The following UBAC2 variants were observed in gnomAD, a reference collection of about 807,000 sequenced individuals.
The protein encoded by UBAC2 is UBA domain containing 2, also known as ubiquitin-associated domain-containing protein 2.
Under a neutral mutation model 44.0 loss-of-function variants are expected in UBAC2, and 26 were observed. The observed-to-expected ratio is 0.59, with a 90% CI of 0.43 to 0.82. The LOEUF (loss-of-function observed/expected upper bound fraction) is 0.82, where lower values mean the gene tolerates loss of function less well. Ranked by LOEUF, UBAC2 falls within the 40% of genes least tolerant of loss-of-function variation. The pLI, the probability that UBAC2 is intolerant of heterozygous loss-of-function variation, is 0.00. For synonymous variants in UBAC2, 155 were observed against 154.3 expected, an observed-to-expected ratio of 1.00 and a Z score of -0.04; for missense variants, 329 against 419.4, an observed-to-expected ratio of 0.78 and a Z score of 1.88.
rs2044364433 is a variant in UBAC2, at chr13:99,308,201, C to G, written c.390-5896C>G. 1.3e-5 allele frequency among the ~76,000 whole-genome samples: 2 copies of G among 152,186 alleles called. 1 individual carries two copies. The highest frequency in any genetic ancestry group is 4.1e-4 in the South Asian group (2 of 4,834). ...AGGAGAGGTGATGTTTACACTTAGT[C>G]AGGACTGATCTGGCCATTCCCAGCC... On this transcript the variant is annotated intron_variant, in intron 4 of 8. Transcript: ENST00000403766.
intron 6 of UBAC2, among the ~76,000 whole-genome samples, chr13:99,333,540 T>C (rs1016184803): frequency 1.3e-5 from 2 of 152,258 alleles, no homozygotes; most frequent in Admixed American, 1.3e-4. Flanking sequence ...CTGTTCTAAG[T>C]GCAGAGGCCA....
chr13:99,320,389 G>A (rs2044552233), intron 6 of UBAC2, among the ~76,000 whole-genome samples: 2 of 152,136 alleles, frequency 1.3e-5, no homozygotes, highest in African/African-American at 2.4e-5. Context: ...TCAGAAGGGT[G>A]AATAGAATTA....
chr13:99,224,373 A>G (rs926834343), intron 1 of UBAC2, among the ~76,000 whole-genome samples: 2 of 152,218 alleles, frequency 1.3e-5, no homozygotes, highest in East Asian at 1.9e-4. Flanking sequence ...TAGAGCTTCA[A>G]CATACAAATT....
chr13:99,290,657 G>T (rs2044077412), intron 4 of UBAC2, among the ~76,000 whole-genome samples: 1 of 151,388 alleles, frequency 6.6e-6, no homozygotes, highest in South Asian at 2.1e-4. Flanking sequence ...CCCAGGAGGT[G>T]GAGGTTGCAG....
intron 6 of UBAC2, among the ~76,000 whole-genome samples, chr13:99,332,242 T>G (rs940572564): frequency 4.6e-5 from 7 of 152,200 alleles, no homozygotes; most frequent in Non-Finnish European, 1.0e-4. Flanking sequence ...TTGCCTGTTG[T>G]GGTTTCAGGC....
intron 5 of UBAC2, among the ~76,000 whole-genome samples, chr13:99,317,363 A>G (rs960849762): frequency 2.0e-5 from 3 of 152,214 alleles, no homozygotes; most frequent in Non-Finnish European, 2.9e-5. Context: ...TTTTTTTTTA[A>G]TTACCCTGAG....
At chr13:99,366,540 T>C (rs2045333140) in intron 7 of UBAC2, among the ~76,000 whole-genome samples, 1 of 152,240 alleles carries the variant, frequency 6.6e-6, no homozygotes. Flanking sequence ...ATAGTATAAC[T>C]TGAACCCCAA....
chr13:99,262,284 A>G (rs1031848421), intron 4 of UBAC2, among the ~76,000 whole-genome samples: 7 of 152,142 alleles, frequency 4.6e-5, no homozygotes, highest in African/African-American at 1.7e-4. Context: ...AAAAAATAGT[A>G]AGTATAGGGT....
intron 1 of UBAC2, among the ~76,000 whole-genome samples, chr13:99,203,022 AT>A (rs369342839): frequency 3.5e-5 from 3 of 84,636 alleles, no homozygotes; most frequent in Non-Finnish European, 8.1e-5. Context: ...CCTTTGTTTT[AT>A]TTTATTTATT....
chr13:99,351,290 C>T (rs1003621387), intron 7 of UBAC2, among the ~76,000 whole-genome samples: 4 of 152,170 alleles, frequency 2.6e-5, no homozygotes, highest in Non-Finnish European at 4.4e-5. Context: ...AGTTATTACT[C>T]GTAAAAGCTT....
chr13:99,370,357 C>G (rs574655682), intron 8 of UBAC2, among the ~76,000 whole-genome samples: 1 of 152,292 alleles, frequency 6.6e-6, no homozygotes, highest in South Asian at 2.1e-4. Flanking sequence ...AAGGAGGAAT[C>G]AAGAGTTCCA....
chr13:99,274,803 A>G (rs1417343511), intron 4 of UBAC2, among the ~76,000 whole-genome samples: 2 of 150,686 alleles, frequency 1.3e-5, no homozygotes, highest in East Asian at 3.9e-4. Flanking sequence ...CTGCAGCCTC[A>G]ACTACCTGGC....
At chr13:99,237,283 C>T (rs1230119405) in intron 1 of UBAC2, among the ~76,000 whole-genome samples, 205 of 151,894 alleles carry the variant, frequency 1.3e-3, no homozygotes, top group African/African-American at 4.6e-3. Context: ...CACACACACA[C>T]ACACACACAC....
intron 4 of UBAC2, among the ~76,000 whole-genome samples, chr13:99,297,809 A>T (rs546258427): frequency 2.2e-5 from 3 of 137,118 alleles, no homozygotes; most frequent in East Asian, 2.0e-4. Flanking sequence ...GGTTTAGATT[A>T]AAAAAAAAAA....
At chr13:99,370,422 T>C (rs1331402656) in intron 8 of UBAC2, among the ~76,000 whole-genome samples, 1 of 152,226 alleles carries the variant, frequency 6.6e-6, no homozygotes, top group Non-Finnish European at 1.5e-5. Context: ...TACAACCTTT[T>C]CAAAATCTAT....
chr13:99,216,748 G>A (rs1003324067), intron 1 of UBAC2, among the ~76,000 whole-genome samples: 11 of 152,116 alleles, frequency 7.2e-5, no homozygotes, highest in Non-Finnish European at 1.5e-4. Flanking sequence ...AACGTGGACA[G>A]GTGTCCTGGG....
intron 1 of UBAC2, among the ~76,000 whole-genome samples, chr13:99,226,156 G>A (rs917319300): frequency 1.3e-5 from 2 of 152,166 alleles, no homozygotes; most frequent in African/African-American, 4.8e-5. Flanking sequence ...GGCACTGGTA[G>A]AGAGGAGAGA....
At chr13:99,332,895 C>CT (rs1642815411) in intron 6 of UBAC2, among the ~76,000 whole-genome samples, 3 of 151,960 alleles carry the variant, frequency 2.0e-5, no homozygotes. Context: ...CTAAAGCCTG[C>CT]TTTTCAGAGG....
At chr13:99,222,214 A>G (rs948245727) in intron 1 of UBAC2, among the ~76,000 whole-genome samples, 2 of 152,228 alleles carry the variant, frequency 1.3e-5, no homozygotes, top group Non-Finnish European at 2.9e-5. Flanking sequence ...TTCAAGTAGT[A>G]AAGAATGCCA....
Sources: allele counts gnomAD v4.1 joint callset (sites outside exome capture counted in the v4.1 genomes callset), GRCh38; gene constraint gnomAD v4.1.1; transcripts MANE v1.5; gene names NCBI Gene and HGNC (gene_info 2026-07-23, HGNC 2026-07-21).